BBX: variants seen among roughly 807,000 people sequenced by gnomAD.
BBX encodes the protein BBX high mobility group box domain containing.
BBX carries 30 observed loss-of-function variants against 100.2 expected under a neutral mutation model. That is an observed-to-expected ratio of 0.30 (90% confidence interval 0.22 to 0.41). The LOEUF is 0.41. BBX is among the 10% of genes least tolerant of loss of function. The probability of loss-of-function intolerance (pLI) is 1.00; values close to 1 mark genes in which losing one functional copy is unlikely to be tolerated. For synonymous variants in BBX, 376 were observed against 388.1 expected, an observed-to-expected ratio of 0.97 and a Z score of 0.37; for missense variants, 1,023 against 1,129.8, an observed-to-expected ratio of 0.91 and a Z score of 1.35.
At chr3:107,622,251 A>T (rs2055831715) in intron 2 of BBX, among the ~76,000 whole-genome samples, 1 of 152,144 alleles carries the variant, frequency 6.6e-6, no homozygotes, top group Non-Finnish European at 1.5e-5. Flanking sequence ...GTTCATCCAC[A>T]TTGTTGCTTT....
intron 2 of BBX, among the ~76,000 whole-genome samples, chr3:107,566,206 A>G (rs576342335): frequency 7.0e-6 from 1 of 142,134 alleles, no homozygotes. Flanking sequence ...AAAAAAAGAT[A>G]GTTTGTTGAC....
chr3:107,660,714 T>C (rs183506202), intron 3 of BBX, among the ~76,000 whole-genome samples: 15 of 152,290 alleles, frequency 9.8e-5, no homozygotes, highest in Admixed American at 6.5e-4. Context: ...AACATGCTTA[T>C]ACTTTTATCA....
intron 3 of BBX, among the ~76,000 whole-genome samples, chr3:107,674,468 G>T (rs1301920807): frequency 6.6e-6 from 1 of 152,162 alleles, no homozygotes; most frequent in Non-Finnish European, 1.5e-5. Context: ...CCTTGCGCTA[G>T]TAATGACTTT....
chr3:107,543,946 T>C (rs1386261499), intron 2 of BBX, among the ~76,000 whole-genome samples: 1 of 152,246 alleles, frequency 6.6e-6, no homozygotes, highest in Non-Finnish European at 1.5e-5. Context: ...TAGTGAAATA[T>C]TGCGACCACA....
intron 2 of BBX, among the ~76,000 whole-genome samples, chr3:107,568,515 T>TC (rs563014049): frequency 4.6e-5 from 7 of 152,228 alleles, no homozygotes; most frequent in African/African-American, 1.7e-4. Flanking sequence ...CCCCTCGGCC[T>TC]CCCAAAGTGC....
chr3:107,550,058 G>A (rs1418662174), intron 2 of BBX, among the ~76,000 whole-genome samples: 6 of 151,828 alleles, frequency 4.0e-5, no homozygotes, highest in African/African-American at 1.4e-4. Context: ...AATTTTTTCA[G>A]CATGTATTTA....
intron 2 of BBX, among the ~76,000 whole-genome samples, chr3:107,530,762 A>G (rs181846723): frequency 1.5e-4 from 23 of 152,368 alleles, no homozygotes; most frequent in African/African-American, 4.8e-4. Flanking sequence ...CCCAATCCAC[A>G]TAAAAGAACT....
intron 5 of BBX, among the ~76,000 whole-genome samples, chr3:107,718,215 T>C (rs1212319818): frequency 4.7e-5 from 7 of 147,832 alleles, no homozygotes; most frequent in Non-Finnish European, 1.0e-4. Context: ...ATTATATTAG[T>C]ATAATTATTA....
intron 2 of BBX, among the ~76,000 whole-genome samples, chr3:107,583,677 T>A (rs2052450924): frequency 6.6e-6 from 1 of 151,038 alleles, no homozygotes; most frequent in Non-Finnish European, 1.5e-5. Context: ...AAAGTATTCC[T>A]CTACCTATTT....
rs749409392 is a variant in BBX, at chr3:107,773,351, T to C, written c.1630T>C (p.Ser544Pro). Residue 544 changes from serine (S) to proline (P), a missense_variant, in exon 11 of 18, where the codon TCA becomes CCA. Coordinates refer to ENST00000325805, the MANE Select transcript of BBX (RefSeq NM_001142568.3). The surrounding 1 kb of genome is among the most constrained non-coding windows in gnomAD (Gnocchi z 4.1). ...GAAGAAAATGTCAAAGGAGAAATCCTCAGACACCACCAAAGAGTCAAGACC... is the reference window on the plus strand; with the variant it reads ...GAAGAAAATGTCAAAGGAGAAATCCCCAGACACCACCAAAGAGTCAAGACC... ...REKKMSKEKS[S>P]DTTKESRPPD... 5 of 1,614,078 alleles carry C rather than the reference T, an allele frequency of 3.1e-6. No individual in the cohort carries two copies. The highest frequency in any genetic ancestry group is 4.2e-6 in the Non-Finnish European group (5 of 1,179,988).
intron 7 of BBX, among the ~76,000 whole-genome samples, chr3:107,735,174 A>G (rs1576560852): frequency 6.6e-6 from 1 of 152,282 alleles, no homozygotes; most frequent in African/African-American, 2.4e-5. Context: ...CACAGCTATC[A>G]GTAGACTGCA....
intron 3 of BBX, among the ~76,000 whole-genome samples, chr3:107,672,248 G>A (rs2107926328): frequency 6.6e-6 from 1 of 152,096 alleles, no homozygotes; most frequent in African/African-American, 2.4e-5. Context: ...GTTAGTGCAG[G>A]TTATTTGAGA....
chr3:107,687,546 C>A (rs745593628), intron 3 of BBX, among the ~76,000 whole-genome samples: 1 of 152,002 alleles, frequency 6.6e-6, no homozygotes, highest in Non-Finnish European at 1.5e-5. Context: ...GGTCATCTAG[C>A]CCAACTTTTT....
Position 107,729,777 on chromosome 3 carries a change from G to A in BBX, c.601+817G>A, listed in dbSNP as rs374379326. 2.0e-5 allele frequency among the ~76,000 whole-genome samples: 3 copies of A among 152,220 alleles called. No homozygotes were observed. The South Asian group carries it at 6.2e-4, about 32-fold the overall frequency. On this transcript the variant is annotated intron_variant, in intron 6 of 17. Coordinates refer to ENST00000325805, the MANE Select transcript of BBX (RefSeq NM_001142568.3). ...TCCAAAGCAGAGTATTGAACTATTT[G>A]CATATGGAAAGGTTGGGAAAAGAGG...
chr3:107,595,567 G>T (rs933424980), intron 2 of BBX, among the ~76,000 whole-genome samples: 7 of 152,164 alleles, frequency 4.6e-5, no homozygotes, highest in African/African-American at 1.7e-4. Flanking sequence ...TGTGTGAGTG[G>T]TTGGGAAGGA....
At chr3:107,619,235 G>A (rs571956106) in intron 2 of BBX, among the ~76,000 whole-genome samples, 7 of 152,034 alleles carry the variant, frequency 4.6e-5, no homozygotes, top group East Asian at 1.9e-4. Context: ...ATGATATACC[G>A]TTTTTCTTCT....
intron 3 of BBX, among the ~76,000 whole-genome samples, chr3:107,696,135 C>G (rs1198941106): frequency 6.6e-6 from 1 of 151,664 alleles, no homozygotes; most frequent in Non-Finnish European, 1.5e-5. Context: ...ACTGATGGGT[C>G]TTGACTCTTT....
At chr3:107,725,115 G>A (rs554463328) in intron 5 of BBX, among the ~76,000 whole-genome samples, 1 of 152,062 alleles carries the variant, frequency 6.6e-6, no homozygotes, top group Non-Finnish European at 1.5e-5. Context: ...CCTTGAAGAG[G>A]TCCTTCACAT....
At chr3:107,542,481 T>G (rs1345085197) in intron 2 of BBX, among the ~76,000 whole-genome samples, 1 of 152,230 alleles carries the variant, frequency 6.6e-6, no homozygotes, top group African/African-American at 2.4e-5. Context: ...GAGATGGAAG[T>G]GGTTAGAAAC....
Sources: gnomAD v4.1 joint callset for allele counts (sites outside exome capture counted in the v4.1 genomes callset) on GRCh38, gnomAD v4.1.1 for gene constraint, Gnocchi (gnomAD v3.1) non-coding constraint, MANE v1.5 for transcripts, NCBI Gene and HGNC (gene_info 2026-07-23, HGNC 2026-07-21) for gene names.